SERPINB2: variants seen among roughly 807,000 people sequenced by gnomAD.
The protein encoded by SERPINB2 is serpin family B member 2, also known as plasminogen activator inhibitor 2.
SERPINB2 carries 28 observed loss-of-function variants against 39.4 expected under a neutral mutation model. That is an observed-to-expected ratio of 0.71 (90% CI 0.53 to 0.97). SERPINB2 has a LOEUF of 0.97. Among genes scored for constraint, SERPINB2 ranks in the 50% least tolerant of loss-of-function variants. SERPINB2 has a pLI of 0.00. For missense variants in SERPINB2, 557 were observed against 505.3 expected, an observed-to-expected ratio of 1.10 and a Z score of -0.98; for synonymous variants, 209 against 175.1, an observed-to-expected ratio of 1.19 and a Z score of -1.53.
intron 2 of SERPINB2, among the ~76,000 whole-genome samples, chr18:63,892,025 C>A (rs867752211): frequency 2.0e-5 from 3 of 152,018 alleles, no homozygotes; most frequent in Non-Finnish European, 4.4e-5. Context: ...CTAGCCTGGG[C>A]TCCTTCCCAT....
At chr18:63,895,589 G>C (rs548227796) in intron 3 of SERPINB2, among the ~76,000 whole-genome samples, 1 of 152,308 alleles carries the variant, frequency 6.6e-6, no homozygotes, top group Non-Finnish European at 1.5e-5. Context: ...CAGACTTCAT[G>C]AGTTTTAGGC....
chr18:63,901,914 T>A, intron 6 of SERPINB2, 32 bp downstream of exon 6: 1 of 1,577,878 alleles, frequency 6.3e-7, no homozygotes, highest in South Asian at 1.2e-5. Flanking sequence ...CTTCCTAGCA[T>A]ATATTTTAGG....
At chr18:63,899,525 G>T (rs2049979832) in intron 5 of SERPINB2, among the ~76,000 whole-genome samples, 2 of 152,150 alleles carry the variant, frequency 1.3e-5, no homozygotes, top group South Asian at 4.1e-4. Context: ...TCAGAATTGT[G>T]TAAGTATTTC....
rs536735299 is a variant in SERPINB2 at position 63,901,321 on chromosome 18, T to A, written c.536-419T>A. On this transcript the variant is annotated intron_variant, in intron 5 of 7. Transcript: ENST00000299502. ...ATATTTTTTACAAAACGTTTTTGAA[T>A]AAATGAGTAAGTCAGATCCTCAGAC... Among the ~76,000 whole-genome samples the A allele has an allele frequency of 3.9e-5, 6 of 152,292 alleles. No homozygotes were observed. In the South Asian group the frequency reaches 1.2e-3, roughly 32 times the overall value.
At chr18:63,898,543 T>C (rs989088477) in intron 5 of SERPINB2, among the ~76,000 whole-genome samples, 3 of 152,172 alleles carry the variant, frequency 2.0e-5, no homozygotes, top group Non-Finnish European at 4.4e-5. Flanking sequence ...CAAATATTTA[T>C]CCACCACACA....
chr18:63,896,158 A>AT (rs1024902046), intron 3 of SERPINB2, among the ~76,000 whole-genome samples: 22 of 152,162 alleles, frequency 1.4e-4, no homozygotes, highest in Non-Finnish European at 2.9e-4. Flanking sequence ...CCTTCTACCC[A>AT]TTGCCCAGGG....
In SERPINB2 at chr18:63,902,427, G is replaced by T; in HGVS notation, c.702G>T (p.Met234Ile). 1.9e-6 allele frequency: 3 copies of T among 1,612,994 alleles called. No homozygotes were observed. The highest frequency in any genetic ancestry group is 2.5e-6 in the Non-Finnish European group (3 of 1,179,408). The change falls in exon 7 of 8, where the codon ATG (methionine) becomes ATT (isoleucine). Residue 234 changes from methionine (M) to isoleucine (I), a missense_variant. Coordinates refer to ENST00000299502, the MANE Select transcript of SERPINB2 (RefSeq NM_002575.3). ...AGGCTCAGCGCACACCTGTACAGAT[G>T]ATGTACTTGCGTGAAAAGCTAAACA... ...VNSAQRTPVQ[M>I]MYLREKLNIG...
intron 4 of SERPINB2, 93 bp downstream of exon 4, chr18:63,897,312 G>A (rs1224625246): frequency 4.8e-6 from 7 of 1,470,528 alleles, no homozygotes; most frequent in Admixed American, 2.2e-5. Context: ...GTTCATAAAA[G>A]CAGAGTTGGA....
chr18:63,891,385 A>T (rs2049924666), intron 1 of SERPINB2, 51 bp from the exon 2 acceptor site: 16 of 1,597,546 alleles, frequency 1.0e-5, no homozygotes, highest in African/African-American at 1.3e-5. Context: ...CTCACCCAAA[A>T]TGTTACCTTA....
chr18:63,895,355 A>T lies in SERPINB2; in HGVS notation c.260A>T (p.Lys87Met), dbSNP rs768704463. 1 of 1,614,136 alleles carries T rather than the reference A, an allele frequency of 6.2e-7. No homozygotes were observed. The highest frequency in any genetic ancestry group is 8.5e-7 in the Non-Finnish European group (1 of 1,179,994). The change falls in exon 3 of 8, where the codon AAG becomes ATG. Residue 87 changes from lysine (K) to methionine (M), a missense_variant. By Grantham distance (95) the Lys-to-Met change is moderately conservative. Transcript: ENST00000299502. Reference sequence around the variant, plus strand: ...TGTGGGTTCATGCAGCAGATCCAGAAGGGTAGTTATCCTGATGCGATTTTG... The same window carrying T: ...TGTGGGTTCATGCAGCAGATCCAGATGGGTAGTTATCCTGATGCGATTTTG... ...TSCGFMQQIQ[K>M]GSYPDAILQA... is the part of the protein sequence containing the mutation.
chr18:63,895,249 T>C lies in SERPINB2; in HGVS notation c.169-15T>C. 3 of 1,612,570 alleles carry C rather than the reference T, an allele frequency of 1.9e-6. No individual in the cohort carries two copies. The highest frequency in any genetic ancestry group is 2.5e-6 in the Non-Finnish European group (3 of 1,179,620). Reference sequence around the variant, plus strand: ...CGTGGGCAAGTGTAACCGTTTTCTCTAATTCTGATTGCAGGTGCTTCAGTT... The same window carrying C: ...CGTGGGCAAGTGTAACCGTTTTCTCCAATTCTGATTGCAGGTGCTTCAGTT... On this transcript the variant is annotated splice_polypyrimidine_tract_variant and intron_variant, in intron 2 of 7. Coordinates refer to ENST00000299502, the MANE Select transcript of SERPINB2 (RefSeq NM_002575.3).
At chr18:63,892,995 C>T (rs1052019268) in intron 2 of SERPINB2, among the ~76,000 whole-genome samples, 12 of 151,874 alleles carry the variant, frequency 7.9e-5, no homozygotes, top group African/African-American at 2.9e-4. Context: ...TGCAGTGGTG[C>T]GATCTTGGCT....
At chr18:63,894,256 TC>T (rs2144698672) in intron 2 of SERPINB2, among the ~76,000 whole-genome samples, 1 of 152,300 alleles carries the variant, frequency 6.6e-6, no homozygotes, top group South Asian at 2.1e-4. Context: ...GAAATCTTCT[TC>T]TTTTACGTGA....
In SERPINB2 at chr18:63,895,386, A is replaced by G. The variant is rs376038046; in HGVS notation, c.288+3A>G. 8.1e-6 allele frequency: 13 copies of G among 1,613,910 alleles called. No homozygotes were observed. In the African/African-American group the frequency reaches 1.6e-4, roughly 20 times the overall value. On this transcript the variant is annotated splice_donor_region_variant and intron_variant, in intron 3 of 7. Transcript: ENST00000299502. ...GTTATCCTGATGCGATTTTGCAGGT[A>G]TCTGACTTACTGGTCCAAATTTCTT...
Position 63,903,316 on chromosome 18 carries a change from G to T in SERPINB2, c.*11G>T. 2 of 1,474,864 alleles carry T rather than the reference G, an allele frequency of 1.4e-6. No homozygotes were observed. Among genetic ancestry groups the T allele is most frequent in the African/African-American group, 1.4e-5 (1 of 70,186 alleles). The allele number at this position is 1,474,864 out of a possible 1,614,324, so 91.4% of individuals were successfully genotyped here. On this transcript the variant is annotated 3_prime_UTR_variant, in exon 8 of 8. Coordinates refer to ENST00000299502, the MANE Select transcript of SERPINB2 (RefSeq NM_002575.3). ...TTTTCCTCACCCTAAAACTAAGCGTGCTGCTTCTGCAAAAGATTTTTGTAG... is the reference window on the plus strand; with the variant it reads ...TTTTCCTCACCCTAAAACTAAGCGTTCTGCTTCTGCAAAAGATTTTTGTAG...
At position 63,902,540 on chromosome 18, in the gene SERPINB2, T is replaced by G; in HGVS notation, c.815T>G (p.Ile272Ser). 6.2e-7 allele frequency: 1 copy of G among 1,613,412 alleles called. No homozygotes were observed. The highest frequency in any genetic ancestry group is 8.5e-7 in the Non-Finnish European group (1 of 1,179,608). The change falls in exon 7 of 8, where the codon ATT (isoleucine) becomes AGT (serine). Residue 272 changes from isoleucine (I) to serine (S), a missense_variant. Transcript: ENST00000299502. ...ATGTTCTTGTTGCTTCCAGATGAAA[T>G]TGCCGATGTGTCCACTGGCTTGGAG... ...VSMFLLLPDE[I>S]ADVSTGLELL...
In SERPINB2 at chr18:63,901,630, T is replaced by G. The variant is rs149108827; in HGVS notation, c.536-110T>G. ...ACCTAAAAAACTTTAGCTTGAAGAT[T>G]AACAACTCTGCAATTTGAAGAATTT... On this transcript the variant is annotated intron_variant, in intron 5 of 7. Transcript: ENST00000299502. The G allele has an allele frequency of 1.5e-3, 1,122 of 739,714 alleles. 8 individuals are homozygous for G. In the African/African-American group the frequency reaches 0.018, roughly 12 times the overall value. 45.8% of individuals were successfully genotyped at this position (739,714 alleles called of 1,614,324 possible). A position where few individuals can be genotyped will look rare whatever the true frequency, so the allele number is the denominator to read the frequency against.
At chr18:63,894,799 A>T (rs558190786) in intron 2 of SERPINB2, among the ~76,000 whole-genome samples, 22 of 152,168 alleles carry the variant, frequency 1.4e-4, no homozygotes, top group Non-Finnish European at 2.4e-4. Flanking sequence ...ATATTGCATG[A>T]CCTGTTTTAT....
At chr18:63,901,671 C>A in intron 5 of SERPINB2, 69 bp from the exon 6 acceptor site, 1 of 1,145,674 alleles carries the variant, frequency 8.7e-7, no homozygotes, top group Non-Finnish European at 1.2e-6. Context: ...GATGGCTACT[C>A]AGAAGATTCA....
Sources: gnomAD v4.1 joint callset for allele counts (sites outside exome capture counted in the v4.1 genomes callset) on GRCh38, gnomAD v4.1.1 for gene constraint, MANE v1.5 for transcripts, NCBI Gene and HGNC (gene_info 2026-07-23, HGNC 2026-07-21) for gene names.